THSD7B: variants seen among roughly 807,000 people sequenced by gnomAD.
THSD7B encodes the protein thrombospondin type 1 domain containing 7B, also known as thrombospondin type-1 domain-containing protein 7B.
In THSD7B, 138 loss-of-function variants were observed where a neutral mutation model predicts 213.6. The ratio of observed to expected loss-of-function variants is 0.65; its 90% confidence interval spans 0.56 to 0.74. THSD7B has a LOEUF of 0.74. Ranked by LOEUF, THSD7B falls within the 30% of genes least tolerant of loss-of-function variation. The pLI is 0.00. For missense variants in THSD7B, 1,931 were observed against 1,991.5 expected, an observed-to-expected ratio of 0.97 and a Z score of 0.58; for synonymous variants, 742 against 687.0, an observed-to-expected ratio of 1.08 and a Z score of -1.25.
intron 5 of THSD7B, among the ~76,000 whole-genome samples, chr2:137,119,465 A>G (rs1688506843): frequency 6.6e-6 from 1 of 152,204 alleles, no homozygotes; most frequent in South Asian, 2.1e-4. Context: ...TTGATGCCCA[A>G]GAGTAATCTT....
intron 1 of THSD7B, among the ~76,000 whole-genome samples, chr2:136,817,813 C>T (rs2104935357): frequency 6.8e-6 from 1 of 147,768 alleles, no homozygotes; most frequent in Non-Finnish European, 1.5e-5. Context: ...TCATCACTGG[C>T]CATCAGAGAA....
chr2:137,115,161 G>A lies in THSD7B; in HGVS notation c.1237G>A (p.Val413Ile). The A allele has an allele frequency of 6.2e-7, 1 of 1,613,944 alleles. No individual in the cohort carries two copies. Among genetic ancestry groups the A allele is most frequent in the Non-Finnish European group, 8.5e-7 (1 of 1,179,864 alleles). Residue 413 changes from valine (V) to isoleucine (I), a missense_variant, in exon 5 of 28, where the codon GTC becomes ATC. Physicochemically the swap from Val to Ile is conservative, Grantham distance 29 (BLOSUM62 3). Coordinates refer to ENST00000409968, the MANE Select transcript of THSD7B (RefSeq NM_001316349.2). Reference protein sequence around the residue: ...WRTSEWKECQVSLLLEQQDPH... With the variant: ...WRTSEWKECQISLLLEQQDPH... ...AACTTCTGAATGGAAAGAATGCCAA[G>A]TCTCTCTCCTCCTCGAGCAGCAGGA...
chr2:137,474,576 C>T (rs931224446), intron 15 of THSD7B, among the ~76,000 whole-genome samples: 1 of 152,142 alleles, frequency 6.6e-6, no homozygotes, highest in African/African-American at 2.4e-5. Flanking sequence ...ACAGACACAT[C>T]AGGTGGCAGT....
chr2:137,414,937 T>C (rs573885226), intron 14 of THSD7B, among the ~76,000 whole-genome samples: 1 of 151,050 alleles, frequency 6.6e-6, no homozygotes, highest in African/African-American at 2.4e-5. Flanking sequence ...GTGCCTGTAA[T>C]CCCAGCTACT....
At chr2:137,366,450 C>A (rs1685410250) in intron 12 of THSD7B, among the ~76,000 whole-genome samples, 1 of 151,846 alleles carries the variant, frequency 6.6e-6, no homozygotes, top group African/African-American at 2.4e-5. Flanking sequence ...GAGGTAATGC[C>A]TTGCTTTACA....
intron 4 of THSD7B, among the ~76,000 whole-genome samples, chr2:137,106,724 G>T (rs2104930475): frequency 6.6e-6 from 1 of 152,316 alleles, no homozygotes; most frequent in African/African-American, 2.4e-5. Flanking sequence ...TTAAAAAGTG[G>T]TCAAAGGATA....
intron 15 of THSD7B, among the ~76,000 whole-genome samples, chr2:137,459,022 A>G (rs1687826437): frequency 6.6e-6 from 1 of 152,136 alleles, no homozygotes; most frequent in Non-Finnish European, 1.5e-5. Context: ...TAACAAGTTC[A>G]TATGAGTTGA....
intron 15 of THSD7B, among the ~76,000 whole-genome samples, chr2:137,524,297 G>A (rs16839057): frequency 0.17 from 25,449 of 151,952 alleles, 2,276 homozygotes; most frequent in South Asian, 0.28. Flanking sequence ...GAAGAAATTC[G>A]TCATGTGGAA....
At chr2:137,280,185 C>T (rs1682973502) in intron 12 of THSD7B, among the ~76,000 whole-genome samples, 1 of 152,052 alleles carries the variant, frequency 6.6e-6, no homozygotes, top group South Asian at 2.1e-4. Flanking sequence ...ATATTTTTTC[C>T]TTCTGTGCAT....
At chr2:137,007,007 C>T (rs1366188351) in intron 2 of THSD7B, among the ~76,000 whole-genome samples, 1 of 152,138 alleles carries the variant, frequency 6.6e-6, no homozygotes, top group Admixed American at 6.5e-5. Context: ...CAAAACATTT[C>T]TTCCTAGCTG....
chr2:137,315,735 A>G (rs10427228), intron 12 of THSD7B, among the ~76,000 whole-genome samples: 8,465 of 152,250 alleles, frequency 0.056, 318 homozygotes, highest in East Asian at 0.098. Context: ...GGGGAATTGC[A>G]GTAGAGATAG....
intron 4 of THSD7B, among the ~76,000 whole-genome samples, chr2:137,108,747 C>G (rs1372867405): frequency 6.6e-6 from 1 of 152,118 alleles, no homozygotes; most frequent in Non-Finnish European, 1.5e-5. Flanking sequence ...CAGATACACT[C>G]GTGAACCATT....
At chr2:136,854,552 A>G (rs1037436732) in intron 1 of THSD7B, among the ~76,000 whole-genome samples, 1 of 151,974 alleles carries the variant, frequency 6.6e-6, no homozygotes, top group African/African-American at 2.4e-5. Flanking sequence ...TCAAGTGCAC[A>G]GCACCATGGC....
intron 12 of THSD7B, among the ~76,000 whole-genome samples, chr2:137,336,488 T>C (rs1473756127): frequency 2.0e-5 from 3 of 152,176 alleles, no homozygotes; most frequent in Non-Finnish European, 2.9e-5. Flanking sequence ...ACAGAGATGG[T>C]GTTAAAGAAC....
At chr2:137,249,297 C>T (rs1023329838) in intron 10 of THSD7B, among the ~76,000 whole-genome samples, 4 of 151,280 alleles carry the variant, frequency 2.6e-5, no homozygotes, top group South Asian at 2.1e-4. Context: ...ATTAAAACCC[C>T]GCATAAGAAG....
At chr2:137,100,860 A>G (rs965076482) in intron 4 of THSD7B, among the ~76,000 whole-genome samples, 1 of 152,108 alleles carries the variant, frequency 6.6e-6, no homozygotes, top group Non-Finnish European at 1.5e-5. Flanking sequence ...CCACAGTTCC[A>G]CAATCCTGCT....
At chr2:137,260,279 A>G (rs1056695991) in intron 10 of THSD7B, among the ~76,000 whole-genome samples, 8 of 152,288 alleles carry the variant, frequency 5.3e-5, no homozygotes, top group African/African-American at 1.9e-4. Flanking sequence ...AGTTTTAAAG[A>G]GTTATTGTCT....
At chr2:137,215,590 G>C (rs1014866321) in intron 7 of THSD7B, among the ~76,000 whole-genome samples, 27 of 152,100 alleles carry the variant, frequency 1.8e-4, no homozygotes, top group Admixed American at 7.2e-4. Flanking sequence ...AATGATGACT[G>C]AACGAAGATG....
At chr2:137,316,137 G>A (rs534550362) in intron 12 of THSD7B, among the ~76,000 whole-genome samples, 38 of 152,262 alleles carry the variant, frequency 2.5e-4, no homozygotes, top group East Asian at 9.7e-4. Flanking sequence ...CAATTATAGC[G>A]AAGTGGTATA....
Sources: gnomAD v4.1 joint callset for allele counts (sites outside exome capture counted in the v4.1 genomes callset) on GRCh38, gnomAD v4.1.1 for gene constraint, MANE v1.5 for transcripts, NCBI Gene and HGNC (gene_info 2026-07-23, HGNC 2026-07-21) for gene names.